Variants in CROCC observed in about 807,000 individuals in gnomAD.
CROCC encodes rootletin.
Under a neutral mutation model 245.2 loss-of-function variants are expected in CROCC, and 180 were observed. The observed-to-expected ratio is 0.73, with a 90% CI of 0.65 to 0.83. The LOEUF (loss-of-function observed/expected upper bound fraction) is 0.83. Among genes scored for constraint, CROCC ranks in the 40% least tolerant of loss-of-function variants. CROCC has a pLI of 0.00. For synonymous variants in CROCC, 1,205 were observed against 1,241.6 expected (o/e 0.97, Z 0.62); for missense variants, 2,688 against 2,779.4 (o/e 0.97, Z 0.74).
chr1:16,925,301 T>C (rs1375193230), intron 3 of CROCC, among the ~76,000 whole-genome samples: 2 of 152,266 alleles, frequency 1.3e-5, no homozygotes, highest in Non-Finnish European at 2.9e-5. Flanking sequence ...AGGCGCGTGC[T>C]GAGTGTTTCA....
At chr1:16,932,488 T>C (rs1220778490) in intron 8 of CROCC, among the ~76,000 whole-genome samples, 1 of 152,134 alleles carries the variant, frequency 6.6e-6, no homozygotes, top group African/African-American at 2.4e-5. Context: ...TGGTCAGTGA[T>C]ATGTACGTGG....
intron 10 of CROCC, 119 bp from the exon 11 acceptor site, chr1:16,938,281 G>A: frequency 2.2e-6 from 2 of 919,426 alleles, no homozygotes; most frequent in East Asian, 2.6e-5. Context: ...CAGGTGGCTG[G>A]CCTATGGACA....
chr1:16,948,326 G>T lies in CROCC; in HGVS notation c.2515-5G>T, dbSNP rs779079964. The T allele has an allele frequency of 5.0e-5, 78 of 1,557,752 alleles. No individual in the cohort carries two copies. In the East Asian group the frequency reaches 1.5e-3, roughly 29 times the overall value. The stretch of plus-strand genomic sequence containing the variant: ...AGTGCTACTCAGTCTCTGGGTGGGG[G>T]CCAGCTCTCCCGGCAGCTGAGCGGG... On this transcript the variant is annotated splice_polypyrimidine_tract_variant and splice_region_variant and intron_variant, in intron 17 of 36. Coordinates refer to ENST00000375541, the MANE Select transcript of CROCC (RefSeq NM_014675.5).
chr1:16,970,110 C>A, intron 33 of CROCC, 143 bp from the exon 34 acceptor site: 1 of 1,187,870 alleles, frequency 8.4e-7, no homozygotes, highest in Non-Finnish European at 1.1e-6. Context: ...CTGAGAGAGA[C>A]AGGTTTGGCT....
intron 27 of CROCC, among the ~76,000 whole-genome samples, chr1:16,965,111 A>G (rs899227192): frequency 1.3e-5 from 2 of 152,250 alleles, no homozygotes; most frequent in African/African-American, 4.8e-5. Context: ...CACCACACCC[A>G]GTCAACAGAA....
chr1:16,935,367 C>G (rs1442229244), intron 8 of CROCC, among the ~76,000 whole-genome samples: 1 of 152,254 alleles, frequency 6.6e-6, no homozygotes, highest in East Asian at 1.9e-4. Context: ...CTAGTTATAA[C>G]TGGGAGGTGG....
rs774885455 is a variant in CROCC, at chr1:16,969,946, G to GGT, written c.5451+16_5451+17dup. 26 of 1,574,674 alleles carry GGT rather than the reference G, an allele frequency of 1.7e-5. No individual in the cohort carries two copies. In the Middle Eastern group the frequency reaches 6.9e-4, roughly 42 times the overall value. ...AACAGCTACGGGAGGTGAGGGCCAG[G>GGT]GTGTGCCCCCTCTGTCCCCAAGACT... is the stretch of plus-strand genomic sequence containing the variant. On this transcript the variant is annotated intron_variant, in intron 33 of 36. Transcript: ENST00000375541.
intron 14 of CROCC, among the ~76,000 whole-genome samples, chr1:16,945,227 T>C (rs2076018741): frequency 6.6e-6 from 1 of 152,280 alleles, no homozygotes; most frequent in Admixed American, 6.5e-5. Context: ...AGCAAGACTG[T>C]GTCTCAAAAA....
At position 16,961,148 on chromosome 1, in the gene CROCC, C is replaced by T. The variant is rs1422166068; in HGVS notation, c.4405+18C>T. The stretch of plus-strand genomic sequence containing the variant: ...CGCAGAAGGTAAGGGCAGTGCCGCG[C>T]GCAGGGAAGGGGGGAGGTGGGCGGG... On this transcript the variant is annotated intron_variant, in intron 27 of 36. Coordinates refer to ENST00000375541, the MANE Select transcript of CROCC (RefSeq NM_014675.5). 2.3e-6 allele frequency: 3 copies of T among 1,299,510 alleles called. No individual in the cohort carries two copies. Among genetic ancestry groups the T allele is most frequent in the East Asian group, 3.2e-5 (1 of 31,550 alleles). The allele number at this position is 1,299,510 out of a possible 1,614,324, so 80.5% of individuals were successfully genotyped here. A position where few individuals can be genotyped will look rare whatever the true frequency, so the allele number is the denominator to read the frequency against.
chr1:16,928,486 T>A (rs1247472499), intron 3 of CROCC, among the ~76,000 whole-genome samples: 1 of 151,578 alleles, frequency 6.6e-6, no homozygotes, highest in Non-Finnish European at 1.5e-5. Context: ...GCAGTGAGGA[T>A]GGAGGGGACC....
At chr1:16,923,691 T>TTTTTTG in intron 2 of CROCC, among the ~76,000 whole-genome samples, 1 of 150,056 alleles carries the variant, frequency 6.7e-6, no homozygotes, top group Non-Finnish European at 1.5e-5. Context: ...TTTTTTTTTT[T>TTTTTTG]TTTTTTTGAG....
At chr1:16,922,238 G>A (rs888672427) in intron 1 of CROCC, among the ~76,000 whole-genome samples, 160 bp downstream of exon 1, 1 of 152,262 alleles carries the variant, frequency 6.6e-6, no homozygotes, top group Non-Finnish European at 1.5e-5. Context: ...GGCAAGATGG[G>A]GGGCAGAGGT....
chr1:16,930,967 A>G (rs2075663226), intron 7 of CROCC, among the ~76,000 whole-genome samples: 1 of 152,290 alleles, frequency 6.6e-6, no homozygotes. Context: ...AAATAAGTAA[A>G]TAAATAAAGA....
Position 16,970,462 on chromosome 1 carries a change from C to T in CROCC, c.5652+9C>T, listed in dbSNP as rs781594999. ...GGAGGACGCTGGACAAGGTAGGCTG[C>T]TCCCCAGGCTCTCCCCTCACTTCCT... On this transcript the variant is annotated intron_variant, in intron 34 of 36. Transcript: ENST00000375541. 3.8e-6 allele frequency: 6 copies of T among 1,559,710 alleles called. No individual in the cohort carries two copies. Among genetic ancestry groups the T allele is most frequent in the Non-Finnish European group, 5.2e-6 (6 of 1,148,956 alleles).
At chr1:16,943,548 A>AC (rs1332260969) in intron 13 of CROCC, among the ~76,000 whole-genome samples, 4 of 152,236 alleles carry the variant, frequency 2.6e-5, no homozygotes, top group East Asian at 3.8e-4. Flanking sequence ...AAAAAAAAAA[A>AC]ATAAAACAAA....
chr1:16,946,561 C>T lies in CROCC; in HGVS notation c.2283+156C>T, dbSNP rs1351421731. On this transcript the variant is annotated intron_variant, in intron 16 of 36. Coordinates refer to ENST00000375541, the MANE Select transcript of CROCC (RefSeq NM_014675.5). ...CTGGTTCTCTGTCTGTCTGTCTATC[C>T]CCTCTAGGCGTCAAAGCACAGAAGT... 3.3e-5 allele frequency among the ~76,000 whole-genome samples: 5 copies of T among 152,292 alleles called. No individual in the cohort carries two copies. In the East Asian group the frequency reaches 9.6e-4, roughly 29 times the overall value.
At chr1:16,928,968 A>T (rs1372393639) in intron 3 of CROCC, among the ~76,000 whole-genome samples, 1 of 152,038 alleles carries the variant, frequency 6.6e-6, no homozygotes, top group Admixed American at 6.6e-5. Context: ...CTGGGATTAC[A>T]GGTGCATGAC....
chr1:16,928,769 C>T (rs1315129549), intron 3 of CROCC, among the ~76,000 whole-genome samples: 2 of 151,756 alleles, frequency 1.3e-5, no homozygotes, highest in African/African-American at 4.8e-5. Flanking sequence ...AGCCATTGCA[C>T]TCCAGCCCAG....
At position 16,922,543 on chromosome 1, in the gene CROCC, C is replaced by T. The variant is rs889367507; in HGVS notation, c.61-120C>T. ...TGGATTCTAACTCCCAGGCTTCACTCCATCTTGAGGGGGCTCCTGGGGACC... is the reference window on the plus strand; with the variant it reads ...TGGATTCTAACTCCCAGGCTTCACTTCATCTTGAGGGGGCTCCTGGGGACC... On this transcript the variant is annotated intron_variant, in intron 1 of 36. Coordinates refer to ENST00000375541, the MANE Select transcript of CROCC (RefSeq NM_014675.5). The T allele has an allele frequency of 3.6e-6, 5 of 1,385,164 alleles. No homozygotes were observed. The South Asian group carries it at 5.9e-5, about 16-fold the overall frequency. The allele number at this position is 1,385,164 out of a possible 1,614,324, so 85.8% of individuals were successfully genotyped here. A position where few individuals can be genotyped will look rare whatever the true frequency, so the allele number is the denominator to read the frequency against.
Sources: gnomAD v4.1 joint callset for allele counts (sites outside exome capture counted in the v4.1 genomes callset) on GRCh38, gnomAD v4.1.1 for gene constraint, MANE v1.5 for transcripts, NCBI Gene and HGNC (gene_info 2026-07-23, HGNC 2026-07-21) for gene names.